The following RCAN3 variants were observed in gnomAD, a reference collection of about 807,000 sequenced individuals.
RCAN3 encodes the protein regulator of calcineurin 3, also known as calcipressin-3.
RCAN3 carries 19 observed loss-of-function variants against 21.9 expected under a neutral mutation model. The observed-to-expected ratio is 0.87, with a 90% CI of 0.61 to 1.27. The LOEUF (loss-of-function observed/expected upper bound fraction) is 1.27. Ranked by LOEUF, RCAN3 falls within the 50% of genes most tolerant of loss-of-function variation. The pLI is 0.00. For synonymous variants in RCAN3, 114 were observed against 112.3 expected (o/e 1.01, Z -0.09); for missense variants, 240 against 300.1 (o/e 0.80, Z 1.48).
rs1179614803 is a variant in RCAN3, at chr1:24,533,224, T to A, written c.511T>A (p.Leu171Ile). 6.3e-7 allele frequency: 1 copy of A among 1,590,056 alleles called. No homozygotes were observed. Among genetic ancestry groups the A allele is most frequent in the Non-Finnish European group, 8.5e-7 (1 of 1,172,028 alleles). ...TGCGATGCCTGTTATAAATTATGAT[T>A]TACTCTGTGCTGTTTCCAAATTGGG... ...EDAMPVINYD[L>I]LCAVSKLGPG... Residue 171 changes from leucine to isoleucine, a missense_variant, in exon 4 of 5, where the codon TTA becomes ATA. Coordinates refer to ENST00000374395, the MANE Select transcript of RCAN3 (RefSeq NM_013441.4).
chr1:24,512,280 C>T (rs1464122486), intron 1 of RCAN3, among the ~76,000 whole-genome samples: 4 of 150,866 alleles, frequency 2.7e-5, no homozygotes, highest in African/African-American at 4.9e-5. Flanking sequence ...ACCTGGGAGA[C>T]GAAGGTTGCA....
At chr1:24,516,564 A>C (rs1408983020) in intron 2 of RCAN3, among the ~76,000 whole-genome samples, 1 of 152,230 alleles carries the variant, frequency 6.6e-6, no homozygotes, top group African/African-American at 2.4e-5. Flanking sequence ...ATTTGGCCAG[A>C]GTCAGGAGAA....
rs1650436505 is a variant in RCAN3 at position 24,540,462 on chromosome 1, T to C, written c.*5185T>C. 1 of 152,250 alleles carries C rather than the reference T, an allele frequency of 6.6e-6. No homozygotes were observed. The highest frequency in any genetic ancestry group is 2.1e-4 in the South Asian group (1 of 4,836). The allele number at this position is 152,250 out of a possible 1,614,324, so 9.4% of individuals were successfully genotyped here. A position where few individuals can be genotyped will look rare whatever the true frequency, so the allele number is the denominator to read the frequency against. On this transcript the variant is annotated 3_prime_UTR_variant, in exon 5 of 5. Transcript: ENST00000374395. ...AATGGAAGATTTCTATCTATGCAGA[T>C]AATACATGTTTTTAAATACTGTTTT...
chr1:24,522,468 G>A (rs960485139), intron 2 of RCAN3, among the ~76,000 whole-genome samples: 4 of 152,218 alleles, frequency 2.6e-5, no homozygotes, highest in African/African-American at 4.8e-5. Context: ...GCTCCTCTGT[G>A]TTCTGACACT....
chr1:24,507,808 T>C (rs542188770), intron 1 of RCAN3: 1 of 152,082 alleles, frequency 6.6e-6, no homozygotes, highest in South Asian at 2.1e-4. Context: ...CGGCTAGGCG[T>C]GGTGGCGGCT....
chr1:24,508,918 T>C (rs1647672134), intron 1 of RCAN3, among the ~76,000 whole-genome samples: 1 of 152,190 alleles, frequency 6.6e-6, no homozygotes, highest in Admixed American at 6.5e-5. Context: ...CCCAGTACTT[T>C]AGGAGGCTGA....
At position 24,535,268 on chromosome 1, in the gene RCAN3, C is replaced by A; in HGVS notation, c.717C>A (p.Cys239Ter). 1.3e-6 allele frequency: 2 copies of A among 1,543,358 alleles called. No individual in the cohort carries two copies. Among genetic ancestry groups the A allele is most frequent in the South Asian group, 2.5e-5 (2 of 78,834 alleles). The change falls in exon 5 of 5, where the codon TGC becomes TGA. Residue 239 changes from cysteine (C) to a stop codon, truncating the protein, a stop_gained. Transcript: ENST00000374395. LOFTEE classifies it high-confidence loss of function. ...TGAATGAGCCCCAGACCTTTGATTG[C>A]GCGCTGTGAGGCCCTTGGTTGTGGT... Reference protein sequence around the residue: ...AALNEPQTFDCAL With the variant: ...AALNEPQTFD
intron 2 of RCAN3, among the ~76,000 whole-genome samples, chr1:24,526,646 GT>G (rs1649299884): frequency 1.3e-5 from 2 of 152,172 alleles, no homozygotes; most frequent in African/African-American, 4.8e-5. Context: ...CAAGGAAAAT[GT>G]TTAATGTACA....
At chr1:24,530,815 A>G (rs905811730) in intron 2 of RCAN3, among the ~76,000 whole-genome samples, 3 of 152,216 alleles carry the variant, frequency 2.0e-5, no homozygotes, top group Admixed American at 2.0e-4. Context: ...GTTCAAGACC[A>G]GCCTAGCCAA....
intron 2 of RCAN3, among the ~76,000 whole-genome samples, chr1:24,530,374 A>AAAAAAG (rs1649662818): frequency 6.6e-6 from 1 of 151,206 alleles, no homozygotes; most frequent in African/African-American, 2.4e-5. Context: ...AAAAAAAAAA[A>AAAAAAG]AAAAAGACAG....
chr1:24,522,476 A>ACAGC (rs1241003783), intron 2 of RCAN3, among the ~76,000 whole-genome samples: 1 of 152,236 alleles, frequency 6.6e-6, no homozygotes, highest in Non-Finnish European at 1.5e-5. Flanking sequence ...GTGTTCTGAC[A>ACAGC]CTGAAGCCAA....
chr1:24,538,222 A>G lies in RCAN3; in HGVS notation c.*2945A>G, dbSNP rs936057666. ...CTAAGAGGCAGAAGTGGATAGCAAC[A>G]GTTCCATTGCCTTCGAGAACTAAAA... On this transcript the variant is annotated 3_prime_UTR_variant, in exon 5 of 5. Coordinates refer to ENST00000374395, the MANE Select transcript of RCAN3 (RefSeq NM_013441.4). 1.3e-5 allele frequency: 2 copies of G among 152,306 alleles called. No individual in the cohort carries two copies. Among genetic ancestry groups the G allele is most frequent in the Admixed American group, 1.3e-4 (2 of 15,304 alleles). The allele number at this position is 152,306 out of a possible 1,614,324, so 9.4% of individuals were successfully genotyped here.
At chr1:24,530,353 C>T (rs1352183221) in intron 2 of RCAN3, among the ~76,000 whole-genome samples, 150 of 62,680 alleles carry the variant, frequency 2.4e-3, no homozygotes, top group African/African-American at 0.019. Context: ...AGACTCTTAT[C>T]TCCAAAAAAA....
chr1:24,506,125 T>C (rs1461891092), intron 1 of RCAN3, among the ~76,000 whole-genome samples: 1 of 152,132 alleles, frequency 6.6e-6, no homozygotes, highest in African/African-American at 2.4e-5. Flanking sequence ...CTGGAGGATA[T>C]CGGTTCAGCC....
chr1:24,526,987 T>C (rs770616780), intron 2 of RCAN3, among the ~76,000 whole-genome samples: 1 of 152,178 alleles, frequency 6.6e-6, no homozygotes, highest in Admixed American at 6.5e-5. Flanking sequence ...AGAACTGATA[T>C]GCTACTTTAA....
chr1:24,529,300 C>T (rs1649546652), intron 2 of RCAN3, among the ~76,000 whole-genome samples: 1 of 151,738 alleles, frequency 6.6e-6, no homozygotes, highest in South Asian at 2.1e-4. Context: ...TGCCTGTAAT[C>T]CCAGCATTTT....
At chr1:24,510,040 T>A (rs1170772234) in intron 1 of RCAN3, among the ~76,000 whole-genome samples, 2 of 152,148 alleles carry the variant, frequency 1.3e-5, no homozygotes, top group African/African-American at 4.8e-5. Flanking sequence ...GGGATCTCTC[T>A]TTTTTTCTTA....
At chr1:24,510,990 A>G (rs776788050) in intron 1 of RCAN3, among the ~76,000 whole-genome samples, 2 of 152,130 alleles carry the variant, frequency 1.3e-5, no homozygotes, top group Non-Finnish European at 2.9e-5. Flanking sequence ...CTCACTCAGT[A>G]AAGCAGTTAG....
chr1:24,532,258 ACT>A (rs1649824703), intron 3 of RCAN3, among the ~76,000 whole-genome samples: 1 of 151,598 alleles, frequency 6.6e-6, no homozygotes, highest in Admixed American at 6.6e-5. Flanking sequence ...ATGGAGTCTC[ACT>A]CTGTCACCCA....
Sources: allele counts gnomAD v4.1 joint callset (sites outside exome capture counted in the v4.1 genomes callset), GRCh38; gene constraint gnomAD v4.1.1; transcripts MANE v1.5; gene names NCBI Gene and HGNC (gene_info 2026-07-23, HGNC 2026-07-21).